Variants in CLYBL observed in about 807,000 individuals in gnomAD.
The protein encoded by CLYBL is citramalyl-CoA lyase.
A neutral mutation model predicts 38.9 loss-of-function variants in CLYBL; 31 were observed. That is an observed-to-expected ratio of 0.80 (90% CI 0.60 to 1.08). The LOEUF (loss-of-function observed/expected upper bound fraction) is 1.08, where lower values mean the gene tolerates loss of function less well. CLYBL is among the 50% of genes least tolerant of loss of function. The probability of loss-of-function intolerance (pLI) is 0.00; values close to 1 mark genes in which losing one functional copy is unlikely to be tolerated. For missense variants in CLYBL, 434 were observed against 411.6 expected (o/e 1.05, Z -0.47); for synonymous variants, 171 against 158.6 (o/e 1.08, Z -0.59).
intron 1 of CLYBL, among the ~76,000 whole-genome samples, chr13:99,766,769 C>T (rs1406789185): frequency 1.3e-5 from 2 of 152,130 alleles, no homozygotes; most frequent in Non-Finnish European, 2.9e-5. Flanking sequence ...ACTATCAGAA[C>T]GCTGCTCTTC....
At chr13:99,716,650 C>T (rs1464251478) in intron 1 of CLYBL, among the ~76,000 whole-genome samples, 1 of 151,702 alleles carries the variant, frequency 6.6e-6, no homozygotes, top group Non-Finnish European at 1.5e-5. Flanking sequence ...TCCCAAAGTG[C>T]TGGGATTACA....
chr13:99,867,287 G>A (rs2051771519), intron 6 of CLYBL, among the ~76,000 whole-genome samples: 2 of 152,174 alleles, frequency 1.3e-5, no homozygotes, highest in Admixed American at 6.5e-5. Context: ...TGATATTCCT[G>A]TTATAACTGT....
At chr13:99,728,546 G>A (rs2048524237) in intron 1 of CLYBL, among the ~76,000 whole-genome samples, 1 of 151,492 alleles carries the variant, frequency 6.6e-6, no homozygotes, top group African/African-American at 2.4e-5. Context: ...CCAGAGTGCT[G>A]GGATTACAGG....
At chr13:99,821,028 G>A (rs1187845592) in intron 2 of CLYBL, among the ~76,000 whole-genome samples, 1 of 152,120 alleles carries the variant, frequency 6.6e-6, no homozygotes, top group African/African-American at 2.4e-5. Flanking sequence ...TAAATAATTA[G>A]GTGATTTGTG....
chr13:99,748,873 G>T (rs1168430638), intron 1 of CLYBL, among the ~76,000 whole-genome samples: 1 of 152,142 alleles, frequency 6.6e-6, no homozygotes, highest in Non-Finnish European at 1.5e-5. Context: ...ATGGATGCTT[G>T]TTTGCTCTCT....
Position 99,891,340 on chromosome 13 carries a change from G to T in CLYBL, c.950G>T (p.Ser317Ile), listed in dbSNP as rs761153061. The change falls in exon 8 of 9, where the codon AGT becomes ATT. Residue 317 changes from serine (S) to isoleucine (I), a missense_variant. Coordinates refer to ENST00000339105, the MANE Select transcript of CLYBL (RefSeq NM_206808.5). Reference sequence around the variant, plus strand: ...CAGGGGGCCTTTACTTTCCAAGGGAGTATGATCGACATGCCATTACTGAAG... The same window carrying T: ...CAGGGGGCCTTTACTTTCCAAGGGATTATGATCGACATGCCATTACTGAAG... ...LGKGAFTFQGSMIDMPLLKQA... is the reference protein window; with the variant it reads ...LGKGAFTFQGIMIDMPLLKQA... 6 of 1,613,702 alleles carry T rather than the reference G, an allele frequency of 3.7e-6. No individual in the cohort carries two copies. Among genetic ancestry groups the T allele is most frequent in the Non-Finnish European group, 5.1e-6 (6 of 1,179,666 alleles).
At chr13:99,819,796 C>T (rs2050550714) in intron 2 of CLYBL, among the ~76,000 whole-genome samples, 1 of 151,982 alleles carries the variant, frequency 6.6e-6, no homozygotes, top group African/African-American at 2.4e-5. Flanking sequence ...CTATTTAAGC[C>T]CTCAACAGAT....
At chr13:99,683,512 TA>T (rs2082152563) in intron 1 of CLYBL, among the ~76,000 whole-genome samples, 1 of 152,162 alleles carries the variant, frequency 6.6e-6, no homozygotes, top group South Asian at 2.1e-4. Context: ...TTTTATTTTT[TA>T]TACTTTTTGA....
intron 7 of CLYBL, among the ~76,000 whole-genome samples, chr13:99,887,203 G>T (rs140596421): frequency 1.3e-5 from 2 of 151,728 alleles, no homozygotes; most frequent in Non-Finnish European, 2.9e-5. Flanking sequence ...CACAAACCAC[G>T]TGGCACTGGG....
chr13:99,803,564 A>AT lies in CLYBL; in HGVS notation c.249+30554_249+30555insT, dbSNP rs1468106199. Among the ~76,000 whole-genome samples, 24 of 152,376 alleles carry AT rather than the reference A, an allele frequency of 1.6e-4. No individual in the cohort carries two copies. The East Asian group carries it at 4.2e-3, about 27-fold the overall frequency. On this transcript the variant is annotated intron_variant, in intron 2 of 8. Transcript: ENST00000339105. Reference sequence around the variant, plus strand: ...GATTTGATTCTTCTTAGCAGTGTGAACTGACCTGACTTTCCTAATATGTGT... The same window carrying AT: ...GATTTGATTCTTCTTAGCAGTGTGAATCTGACCTGACTTTCCTAATATGTGT...
At chr13:99,687,583 TA>T (rs1172225554) in intron 1 of CLYBL, among the ~76,000 whole-genome samples, 1 of 152,210 alleles carries the variant, frequency 6.6e-6, no homozygotes, top group Admixed American at 6.5e-5. Context: ...TTGTGAATGG[TA>T]GGCTAAATGA....
At chr13:99,699,175 C>T (rs983615127) in intron 1 of CLYBL, among the ~76,000 whole-genome samples, 1 of 151,922 alleles carries the variant, frequency 6.6e-6, no homozygotes, top group African/African-American at 2.4e-5. Flanking sequence ...CACCTGAGGT[C>T]GGGAGTTCGA....
At position 99,865,492 on chromosome 13, in the gene CLYBL, A is replaced by C. The variant is rs1159345342; in HGVS notation, c.634+581A>C. On this transcript the variant is annotated intron_variant, in intron 5 of 8. Transcript: ENST00000339105. The surrounding 1 kb of genome is among the most constrained non-coding windows in gnomAD (Gnocchi z 4.7). ...GAGGGGTCTGCATGTTTGACTGGAGACCGTGAAGCATTTAGAAAAGAGGCC... is the reference window on the plus strand; with the variant it reads ...GAGGGGTCTGCATGTTTGACTGGAGCCCGTGAAGCATTTAGAAAAGAGGCC... Among the ~76,000 whole-genome samples the C allele has an allele frequency of 6.6e-6, 1 of 152,128 alleles. No homozygotes were observed. The highest frequency in any genetic ancestry group is 1.5e-5 in the Non-Finnish European group (1 of 68,032).
intron 1 of CLYBL, among the ~76,000 whole-genome samples, chr13:99,632,694 G>A (rs1364856333): frequency 3.3e-5 from 5 of 151,982 alleles, no homozygotes; most frequent in African/African-American, 7.3e-5. Context: ...GCAGTGAGCC[G>A]AGATTGTGCC....
At chr13:99,855,697 T>C (rs1262413052) in intron 2 of CLYBL, among the ~76,000 whole-genome samples, 1 of 152,144 alleles carries the variant, frequency 6.6e-6, no homozygotes, top group African/African-American at 2.4e-5. Context: ...AACTTAATTG[T>C]TCTTAGAAAC....
chr13:99,889,271 A>T (rs2052428583), intron 7 of CLYBL, among the ~76,000 whole-genome samples: 1 of 152,208 alleles, frequency 6.6e-6, no homozygotes, highest in Admixed American at 6.5e-5. Context: ...CTAGCAGGAC[A>T]GATGTGCTGT....
intron 1 of CLYBL, among the ~76,000 whole-genome samples, chr13:99,661,989 C>T (rs2139334330): frequency 6.6e-6 from 1 of 152,224 alleles, no homozygotes; most frequent in East Asian, 1.9e-4. Flanking sequence ...GAAGGCAGTT[C>T]AAGTGTTTCT....
intron 2 of CLYBL, among the ~76,000 whole-genome samples, chr13:99,787,251 T>C (rs2049816011): frequency 6.6e-6 from 1 of 152,216 alleles, no homozygotes; most frequent in Admixed American, 6.5e-5. Context: ...GTTTTTGGTG[T>C]TTTAGACATG....
intron 1 of CLYBL, among the ~76,000 whole-genome samples, chr13:99,658,291 A>G (rs2047358699): frequency 6.6e-6 from 1 of 152,196 alleles, no homozygotes; most frequent in East Asian, 1.9e-4. Context: ...TCTCAAGAGA[A>G]AGAATTTTAG....
Sources: gnomAD v4.1 joint callset for allele counts (sites outside exome capture counted in the v4.1 genomes callset) on GRCh38, gnomAD v4.1.1 for gene constraint, Gnocchi (gnomAD v3.1) non-coding constraint, MANE v1.5 for transcripts, NCBI Gene and HGNC (gene_info 2026-07-23, HGNC 2026-07-21) for gene names.